The following VAT1L variants were observed in gnomAD, a reference collection of about 807,000 sequenced individuals.
VAT1L encodes vesicle amine transport 1 like, also known as putative NADPH-dependent quinone oxidoreductase VAT1L.
In VAT1L, 34 loss-of-function variants were observed where a neutral mutation model predicts 44.1. The observed-to-expected ratio is 0.77, with a 90% CI of 0.59 to 1.03. The LOEUF (loss-of-function observed/expected upper bound fraction) is 1.03, where lower values mean the gene tolerates loss of function less well. Ranked by LOEUF, VAT1L falls within the 50% of genes least tolerant of loss-of-function variation. The probability of loss-of-function intolerance (pLI) is 0.00; values close to 1 mark genes in which losing one functional copy is unlikely to be tolerated. For synonymous variants in VAT1L, 253 were observed against 202.2 expected (o/e 1.25, Z -2.13); for missense variants, 615 against 538.8 (o/e 1.14, Z -1.40).
At chr16:77,955,027 C>A (rs555398858) in intron 7 of VAT1L, among the ~76,000 whole-genome samples, 1 of 152,008 alleles carries the variant, frequency 6.6e-6, no homozygotes, top group East Asian at 1.9e-4. Context: ...AATCAGAGAC[C>A]ATATTGTGTT....
chr16:77,968,464 G>A (rs1000908160), intron 7 of VAT1L, among the ~76,000 whole-genome samples: 19 of 152,182 alleles, frequency 1.2e-4, no homozygotes, highest in African/African-American at 2.4e-4. Flanking sequence ...GGTGGCTCAC[G>A]CCTGTAATCC....
intron 3 of VAT1L, among the ~76,000 whole-genome samples, chr16:77,861,120 C>T (rs191922508): frequency 8.5e-5 from 13 of 152,244 alleles, no homozygotes; most frequent in East Asian, 1.9e-4. Context: ...TTAATTGCAA[C>T]GGGTGATAAG....
At chr16:77,886,542 T>G (rs925920711) in intron 7 of VAT1L, among the ~76,000 whole-genome samples, 7 of 152,122 alleles carry the variant, frequency 4.6e-5, no homozygotes, top group Admixed American at 6.5e-5. Flanking sequence ...CACCCCTTGG[T>G]TACAATGGTA....
chr16:77,788,601 C>A lies in VAT1L; in HGVS notation c.-82C>A. 2 of 1,477,954 alleles carry A rather than the reference C, an allele frequency of 1.4e-6. No homozygotes were observed. The highest frequency in any genetic ancestry group is 1.2e-5 in the South Asian group (1 of 80,428). 91.6% of individuals were successfully genotyped at this position (1,477,954 alleles called of 1,614,324 possible). Reference sequence around the variant, plus strand: ...AGCATCCCACATTCAACAGGAGGAACCCGCGGGAGAGGAGCCCCACTCCCC... The same window carrying A: ...AGCATCCCACATTCAACAGGAGGAAACCGCGGGAGAGGAGCCCCACTCCCC... On this transcript the variant is annotated 5_prime_UTR_variant, in exon 1 of 9. Coordinates refer to ENST00000302536, the MANE Select transcript of VAT1L (RefSeq NM_020927.3).
At chr16:77,906,905 C>T (rs551004220) in intron 7 of VAT1L, among the ~76,000 whole-genome samples, 52 of 152,148 alleles carry the variant, frequency 3.4e-4, no homozygotes, top group African/African-American at 1.2e-3. Flanking sequence ...TATAAAGGGG[C>T]CCAGAAGATT....
chr16:77,936,195 G>A (rs145617340), intron 7 of VAT1L, among the ~76,000 whole-genome samples: 3 of 152,164 alleles, frequency 2.0e-5, no homozygotes, highest in Non-Finnish European at 2.9e-5. Context: ...TAGCAAGCTG[G>A]ACATTCCTGG....
chr16:77,927,883 T>C (rs2017688214), intron 7 of VAT1L, among the ~76,000 whole-genome samples: 1 of 152,102 alleles, frequency 6.6e-6, no homozygotes, highest in African/African-American at 2.4e-5. Context: ...TAAATATAAA[T>C]AAATAAATAA....
At chr16:77,813,260 A>T (rs1432579595) in intron 1 of VAT1L, among the ~76,000 whole-genome samples, 1 of 152,138 alleles carries the variant, frequency 6.6e-6, no homozygotes, top group African/African-American at 2.4e-5. Context: ...CCTTGGGTAA[A>T]TAACTTATTA....
chr16:77,938,887 C>T (rs539997994), intron 7 of VAT1L, among the ~76,000 whole-genome samples: 1 of 151,970 alleles, frequency 6.6e-6, no homozygotes, highest in Admixed American at 6.5e-5. Context: ...ATCATCATTG[C>T]TTTTTCTAAA....
intron 3 of VAT1L, among the ~76,000 whole-genome samples, chr16:77,853,667 C>T (rs981391322): frequency 2.0e-5 from 3 of 152,064 alleles, no homozygotes; most frequent in African/African-American, 4.8e-5. Flanking sequence ...TTTCTGATTC[C>T]ATAAGTCTGG....
At chr16:77,890,277 G>T (rs144192509) in intron 7 of VAT1L, among the ~76,000 whole-genome samples, 1 of 152,204 alleles carries the variant, frequency 6.6e-6, no homozygotes, top group African/African-American at 2.4e-5. Context: ...GTGGGGTAGA[G>T]AGAAAAGTCT....
chr16:77,895,695 T>C (rs425617), intron 7 of VAT1L, among the ~76,000 whole-genome samples: 134,153 of 152,268 alleles, frequency 0.88, 59,938 homozygotes, highest in Non-Finnish European at 0.95. Flanking sequence ...TGTAGTTTTA[T>C]GTAAATTTGA....
At position 77,919,383 on chromosome 16, in the gene VAT1L, G is replaced by C. The variant is rs74025086; in HGVS notation, c.1077+34581G>C. Among the ~76,000 whole-genome samples the C allele has an allele frequency of 2.9e-3, 436 of 152,324 alleles. 2 individuals are homozygous for C. The highest frequency in any genetic ancestry group is 0.01 in the African/African-American group (426 of 41,576). ...CATTCTCCAATTAACAGAAATAGAA[G>C]CTGGAGCTGGAATGTGAAGTGTTCA... On this transcript the variant is annotated intron_variant, in intron 7 of 8. Coordinates refer to ENST00000302536, the MANE Select transcript of VAT1L (RefSeq NM_020927.3).
In VAT1L at chr16:77,802,669, C is replaced by CA. The variant is rs1335721953; in HGVS notation, c.233+13754_233+13755insA. Among the ~76,000 whole-genome samples the CA allele has an allele frequency of 9.0e-3, 1,185 of 131,714 alleles. 11 individuals are homozygous for CA. The highest frequency in any genetic ancestry group is 0.013 in the Non-Finnish European group (795 of 60,668). 86.4% of individuals were successfully genotyped at this position (131,714 alleles called of 152,430 possible). A position where few individuals can be genotyped will look rare whatever the true frequency, so the allele number is the denominator to read the frequency against. On this transcript the variant is annotated intron_variant, in intron 1 of 8. Transcript: ENST00000302536. ...ACACACACACACACACACACACACA[C>CA]TAAAGTTGCATCCATTCATGGCACG... is the stretch of plus-strand genomic sequence containing the variant.
intron 7 of VAT1L, among the ~76,000 whole-genome samples, chr16:77,912,014 T>TC (rs1246731479): frequency 3.3e-5 from 5 of 152,232 alleles, no homozygotes; most frequent in African/African-American, 1.2e-4. Context: ...AGTCTCATCT[T>TC]GGACCCCACA....
chr16:77,822,623 G>T (rs756126497), intron 2 of VAT1L, among the ~76,000 whole-genome samples: 37 of 152,264 alleles, frequency 2.4e-4, no homozygotes, highest in Non-Finnish European at 4.7e-4. Flanking sequence ...CAGCAGTCCT[G>T]GGAGGATTCA....
intron 2 of VAT1L, among the ~76,000 whole-genome samples, chr16:77,819,340 TC>T (rs764673714): frequency 6.6e-6 from 1 of 152,206 alleles, no homozygotes; most frequent in Non-Finnish European, 1.5e-5. Flanking sequence ...ACCCTAGTTA[TC>T]TTCTGATGCA....
At chr16:77,970,820 C>G (rs903068423) in intron 7 of VAT1L, among the ~76,000 whole-genome samples, 1 of 152,322 alleles carries the variant, frequency 6.6e-6, no homozygotes, top group East Asian at 1.9e-4. Context: ...TTCATACAAG[C>G]AAATACTGCT....
At chr16:77,825,164 G>T in intron 2 of VAT1L, 82 bp from the exon 3 acceptor site, 1 of 1,507,054 alleles carries the variant, frequency 6.6e-7, no homozygotes, top group Non-Finnish European at 9.2e-7. Flanking sequence ...ACAGCGCCTG[G>T]CCAGCTCCCA....
Sources: gnomAD v4.1 joint callset for allele counts (sites outside exome capture counted in the v4.1 genomes callset) on GRCh38, gnomAD v4.1.1 for gene constraint, MANE v1.5 for transcripts, NCBI Gene and HGNC (gene_info 2026-07-23, HGNC 2026-07-21) for gene names.